Variants in MRPL2 observed in about 807,000 individuals in gnomAD.
The protein encoded by MRPL2 is large ribosomal subunit protein uL2m.
A neutral mutation model predicts 34.6 loss-of-function variants in MRPL2; 27 were observed. The observed-to-expected ratio is 0.78, with a 90% confidence interval of 0.58 to 1.08. MRPL2 has a LOEUF of 1.08. MRPL2 is among the 50% of genes least tolerant of loss of function. MRPL2 has a pLI of 0.00. For missense variants in MRPL2, 414 were observed against 419.3 expected (o/e 0.99, Z 0.11); for synonymous variants, 155 against 158.0 (o/e 0.98, Z 0.14).
At chr6:43,056,829 C>A (rs1184123999) in intron 2 of MRPL2, among the ~76,000 whole-genome samples, 1 of 152,034 alleles carries the variant, frequency 6.6e-6, no homozygotes, top group Non-Finnish European at 1.5e-5. Context: ...TGCCCACCAC[C>A]ACGCCCAGCT....
At position 43,054,161 on chromosome 6, in the gene MRPL2, C is replaced by G; in HGVS notation, c.*113G>C. 1 of 856,554 alleles carries G rather than the reference C, an allele frequency of 1.2e-6. No individual in the cohort carries two copies. Among genetic ancestry groups the G allele is most frequent in the East Asian group, 2.4e-5 (1 of 40,848 alleles). 53.1% of individuals were successfully genotyped at this position (856,554 alleles called of 1,614,324 possible). On this transcript the variant is annotated 3_prime_UTR_variant, in exon 7 of 7. Coordinates refer to ENST00000388752, the MANE Select transcript of MRPL2 (RefSeq NM_015950.5). ...TTTCCCCACGTTTAGTCTGTACCAT[C>G]CCCTCCCCCGCAAAAAAAAAACAAC...
rs117664251 is a variant in MRPL2, at chr6:43,055,742, C to T, written c.632-124G>A. 5.3e-4 allele frequency: 683 copies of T among 1,298,868 alleles called. 10 individuals are homozygous for T. The East Asian group carries it at 0.014, about 27-fold the overall frequency. 80.5% of individuals were successfully genotyped at this position (1,298,868 alleles called of 1,614,324 possible). On this transcript the variant is annotated intron_variant, in intron 5 of 6. Transcript: ENST00000388752. Reference sequence around the variant, plus strand: ...TTAGGAGCAGATACACAAAGAAGGACGCATGCTATGTTTTAGGTAAAAACA... The same window carrying T: ...TTAGGAGCAGATACACAAAGAAGGATGCATGCTATGTTTTAGGTAAAAACA...
At chr6:43,059,849 A>C, upstream of MRPL2, 5 of 1,189,114 alleles carry the variant, frequency 4.2e-6, no homozygotes, top group Non-Finnish European at 5.2e-6. Context: ...GCGTCCAGAC[A>C]GATAGACAGA....
chr6:43,054,523 G>T lies in MRPL2; in HGVS notation c.706-37C>A, dbSNP rs200148871. The T allele has an allele frequency of 2.3e-4, 358 of 1,578,146 alleles. 1 individual carries two copies. The highest frequency in any genetic ancestry group is 6.0e-4 in the South Asian group (54 of 89,910). On this transcript the variant is annotated intron_variant, in intron 6 of 6. Transcript: ENST00000388752. ...AACAGATGGAGATTCTGTACAATGG[G>T]GGGGAAAGAGCTTGACAATGTTGAG... is the stretch of plus-strand genomic sequence containing the variant.
rs745540977 is a variant in MRPL2 at position 43,056,117 on chromosome 6, T to C, written c.484A>G (p.Thr162Ala). 2 of 1,614,244 alleles carry C rather than the reference T, an allele frequency of 1.2e-6. No homozygotes were observed. Among genetic ancestry groups the C allele is most frequent in the East Asian group, 2.2e-5 (1 of 44,888 alleles). ...IATENMQAGD[T>A]ILNSNHIGRM... is the part of the protein sequence containing the mutation. The stretch of plus-strand genomic sequence containing the variant: ...CCTATGTGGTTAGAGTTCAAGATTG[T>C]ATCTCCAGCCTGCATGTTTTCTGTG... The change falls in exon 4 of 7, where the codon ACA (threonine) becomes GCA (alanine). Residue 162 changes from threonine (T) to alanine (A), a missense_variant. By Grantham distance (58) the Thr-to-Ala change is moderately conservative. Transcript: ENST00000388752.
rs371932677 is a variant in MRPL2 at position 43,056,238 on chromosome 6, C to T, written c.405-42G>A. On this transcript the variant is annotated intron_variant, in intron 3 of 6. Transcript: ENST00000388752. ...ACAGGTAAGCAGACCGTCTAGGCAGCCCCACATCTTCTGAGAAGCTATGGA... is the reference window on the plus strand; with the variant it reads ...ACAGGTAAGCAGACCGTCTAGGCAGTCCCACATCTTCTGAGAAGCTATGGA... 13 of 1,612,198 alleles carry T rather than the reference C, an allele frequency of 8.1e-6. No homozygotes were observed. The South Asian group carries it at 8.8e-5, about 11-fold the overall frequency.
At chr6:43,059,069 G>A (rs1764989307) in intron 1 of MRPL2, 3 of 1,433,974 alleles carry the variant, frequency 2.1e-6, no homozygotes, top group Admixed American at 2.2e-5. Context: ...CCGGTGATCT[G>A]CAAAGCACTT....
intron 2 of MRPL2, among the ~76,000 whole-genome samples, chr6:43,057,179 T>G (rs1380828164): frequency 1.3e-5 from 2 of 151,926 alleles, no homozygotes; most frequent in East Asian, 3.9e-4. Flanking sequence ...ACCCGGCCGG[T>G]TATAAATATA....
At position 43,054,307 on chromosome 6, in the gene MRPL2, G is replaced by A. The variant is rs1299707479; in HGVS notation, c.885C>T (p.Tyr295=). The change falls in exon 7 of 7, where the codon TAC becomes TAT. Residue 295 remains tyrosine (Y), a synonymous_variant. Coordinates refer to ENST00000388752, the MANE Select transcript of MRPL2 (RefSeq NM_015950.5). ...GGGCAGAAGCAGAAGGCAGCTTCAC[G>A]TAACTCTTCATGGGGGGTAGTGGCC... is the stretch of plus-strand genomic sequence containing the variant. ...KIRPLPPMKS[Y]VKLPSASAQS is the part of the protein sequence containing the mutation. The A allele has an allele frequency of 6.2e-7, 1 of 1,610,078 alleles. No individual in the cohort carries two copies. Among genetic ancestry groups the A allele is most frequent in the Admixed American group, 1.7e-5 (1 of 59,492 alleles).
Position 43,056,315 on chromosome 6 carries a change from A to G in MRPL2, c.396T>C (p.Asp132=). ...CCACATCCCAAACTTGCCTACAGGG[A>G]TCATAGCGGACTTGGATAACCTTCT... is the stretch of plus-strand genomic sequence containing the variant. The part of the protein sequence containing the change: ...FEEKVIQVRY[D]PCRSADIALV... The change falls in exon 3 of 7, where the codon GAT becomes GAC. Residue 132 remains aspartate (D), a synonymous_variant. Transcript: ENST00000388752. 9.9e-6 allele frequency: 16 copies of G among 1,614,160 alleles called. No homozygotes were observed. Among genetic ancestry groups the G allele is most frequent in the Non-Finnish European group, 1.4e-5 (16 of 1,180,046 alleles).
upstream of MRPL2, chr6:43,059,728 T>C (rs1765035017): frequency 8.0e-7 from 1 of 1,256,256 alleles, no homozygotes; most frequent in Non-Finnish European, 1.0e-6. Context: ...TTAAGGTCTC[T>C]GCCATCTCTT....
chr6:43,054,113 T>C lies in MRPL2; in HGVS notation c.*161A>G, dbSNP rs1418730516. On this transcript the variant is annotated 3_prime_UTR_variant, in exon 7 of 7. Coordinates refer to ENST00000388752, the MANE Select transcript of MRPL2 (RefSeq NM_015950.5). ...GGGACAGACCCAGTGTCCTGTACTT[T>C]CTCTTCCACACTTTTTACTTCTTTT... The C allele has an allele frequency of 1.4e-5, 9 of 657,602 alleles. No homozygotes were observed. The highest frequency in any genetic ancestry group is 3.0e-5 in the Admixed American group (1 of 33,458). The allele number at this position is 657,602 out of a possible 1,614,324, so 40.7% of individuals were successfully genotyped here.
rs142256276 is a variant in MRPL2, at chr6:43,059,100, G to C, written c.96+186C>G. On this transcript the variant is annotated intron_variant, in intron 1 of 6. Transcript: ENST00000388752. ...CACTTTCACCTTAAGTATCTCGTCT[G>C]AAGAATTTCGCCCTATGAGAAAGCA... is the stretch of plus-strand genomic sequence containing the variant. 1.2e-3 allele frequency: 1,777 copies of C among 1,522,704 alleles called. 1 individual carries two copies. The highest frequency in any genetic ancestry group is 1.4e-3 in the Non-Finnish European group (1,628 of 1,128,094). 94.3% of individuals were successfully genotyped at this position (1,522,704 alleles called of 1,614,324 possible). A position where few individuals can be genotyped will look rare whatever the true frequency, so the allele number is the denominator to read the frequency against.
intron 5 of MRPL2, 119 bp from the exon 6 acceptor site, chr6:43,055,737 A>C (rs1157395185): frequency 4.6e-6 from 6 of 1,316,506 alleles, no homozygotes; most frequent in Non-Finnish European, 6.4e-6. Context: ...ATACACAAAG[A>C]AGGACGCATG....
Position 43,054,306 on chromosome 6 carries a change from C to A in MRPL2, c.886G>T (p.Val296Leu), listed in dbSNP as rs777343016. 1 of 1,610,814 alleles carries A rather than the reference C, an allele frequency of 6.2e-7. No homozygotes were observed. Among genetic ancestry groups the A allele is most frequent in the Admixed American group, 1.7e-5 (1 of 59,692 alleles). The change falls in exon 7 of 7, where the codon GTG becomes TTG. Residue 296 changes from valine to leucine, a missense_variant. Physicochemically the swap from Val to Leu is conservative, Grantham distance 32. Transcript: ENST00000388752. The part of the protein sequence containing the change: ...IRPLPPMKSY[V>L]KLPSASAQS ...TGGGCAGAAGCAGAAGGCAGCTTCACGTAACTCTTCATGGGGGGTAGTGGC... is the reference window on the plus strand; with the variant it reads ...TGGGCAGAAGCAGAAGGCAGCTTCAAGTAACTCTTCATGGGGGGTAGTGGC...
In MRPL2 at chr6:43,059,429, G is replaced by A; in HGVS notation, c.-48C>T. The A allele has an allele frequency of 1.3e-6, 2 of 1,494,572 alleles. No individual in the cohort carries two copies. The highest frequency in any genetic ancestry group is 1.8e-6 in the Non-Finnish European group (2 of 1,117,146). The allele number at this position is 1,494,572 out of a possible 1,614,324, so 92.6% of individuals were successfully genotyped here. A position where few individuals can be genotyped will look rare whatever the true frequency, so the allele number is the denominator to read the frequency against. On this transcript the variant is annotated 5_prime_UTR_variant, in exon 1 of 7. Coordinates refer to ENST00000388752, the MANE Select transcript of MRPL2 (RefSeq NM_015950.5). ...GCCAAGCTGCTCGGTGCTCCTAGATGACGTTGACTGTCCGGCGCCGTCGCT... is the reference window on the plus strand; with the variant it reads ...GCCAAGCTGCTCGGTGCTCCTAGATAACGTTGACTGTCCGGCGCCGTCGCT...
chr6:43,057,347 AT>A (rs561923371), intron 2 of MRPL2, among the ~76,000 whole-genome samples: 1 of 146,874 alleles, frequency 6.8e-6, no homozygotes. Context: ...CACCTGGTTA[AT>A]TTTTTTTTTG....
chr6:43,054,049 T>G lies in MRPL2; in HGVS notation c.*225A>C. On this transcript the variant is annotated 3_prime_UTR_variant, in exon 7 of 7. Transcript: ENST00000388752. Reference sequence around the variant, plus strand: ...GAAAAGACCTTGGACGTCATTTATTTCCATCCCCGGCTCCATTACTTGTAA... The same window carrying G: ...GAAAAGACCTTGGACGTCATTTATTGCCATCCCCGGCTCCATTACTTGTAA... 1 of 644,662 alleles carries G rather than the reference T, an allele frequency of 1.6e-6. No individual in the cohort carries two copies. 39.9% of individuals were successfully genotyped at this position (644,662 alleles called of 1,614,324 possible). A position where few individuals can be genotyped will look rare whatever the true frequency, so the allele number is the denominator to read the frequency against.
At position 43,054,346 on chromosome 6, in the gene MRPL2, AG is replaced by A; in HGVS notation, c.845del (p.Ala282ValfsTer11). ...SGRWHRKGGWAGRKIRPLPPM... is the reference protein window; with the variant it reads ...SGRWHRKGGWXGRKIRPLPPM... ...GGGGTAGTGGCCGAATCTTTCGGCC[AG>A]CCCAGCCCCCCTTGCGGTGCCACCG... On this transcript the variant is annotated frameshift_variant, in exon 7 of 7. Coordinates refer to ENST00000388752, the MANE Select transcript of MRPL2 (RefSeq NM_015950.5). LOFTEE classifies it high-confidence loss of function. 6.2e-7 allele frequency: 1 copy of A among 1,613,640 alleles called. No individual in the cohort carries two copies. Among genetic ancestry groups the A allele is most frequent in the Non-Finnish European group, 8.5e-7 (1 of 1,179,942 alleles).
Sources: gnomAD v4.1 joint callset for allele counts (sites outside exome capture counted in the v4.1 genomes callset) on GRCh38, gnomAD v4.1.1 for gene constraint, MANE v1.5 for transcripts, NCBI Gene and HGNC (gene_info 2026-07-23, HGNC 2026-07-21) for gene names.